REV3L: variants seen among roughly 807,000 people sequenced by gnomAD.
REV3L encodes the protein DNA polymerase zeta catalytic subunit.
Under a neutral mutation model 299.4 loss-of-function variants are expected in REV3L, and 69 were observed. The ratio of observed to expected loss-of-function variants is 0.23; its 90% CI spans 0.19 to 0.28. The LOEUF (loss-of-function observed/expected upper bound fraction) is 0.28. Ranked by LOEUF, REV3L falls within the 10% of genes least tolerant of loss-of-function variation. The pLI is 1.00. For missense variants in REV3L, 3,128 were observed against 3,693.8 expected, an observed-to-expected ratio of 0.85 and a Z score of 3.97; for synonymous variants, 1,238 against 1,271.4, an observed-to-expected ratio of 0.97 and a Z score of 0.56.
At chr6:111,318,417 C>T (rs918912981) in intron 26 of REV3L, among the ~76,000 whole-genome samples, 2 of 152,016 alleles carry the variant, frequency 1.3e-5, no homozygotes, top group South Asian at 2.1e-4. Flanking sequence ...CAGGTGTGAC[C>T]GTGCCCGGCC....
chr6:111,336,288 G>A (rs1216284590), intron 21 of REV3L, among the ~76,000 whole-genome samples: 1 of 151,892 alleles, frequency 6.6e-6, no homozygotes, highest in African/African-American at 2.4e-5. Flanking sequence ...ATTATAAGAT[G>A]TAAAAATGAC....
chr6:111,398,189 C>T (rs1422838689), intron 4 of REV3L, among the ~76,000 whole-genome samples: 1 of 151,862 alleles, frequency 6.6e-6, no homozygotes, highest in Non-Finnish European at 1.5e-5. Flanking sequence ...ATCTTTTCAG[C>T]ACTCTACATG....
intron 1 of REV3L, among the ~76,000 whole-genome samples, 165 bp downstream of exon 1, chr6:111,482,585 G>A (rs150919982): frequency 0.027 from 4,168 of 151,858 alleles, 81 homozygotes; most frequent in Admixed American, 0.064. Flanking sequence ...TGCGGCTCTT[G>A]TCACGCACGA....
chr6:111,344,570 G>A (rs1582611221), intron 20 of REV3L, among the ~76,000 whole-genome samples: 1 of 152,128 alleles, frequency 6.6e-6, no homozygotes, highest in African/African-American at 2.4e-5. Flanking sequence ...ATACTAAAAT[G>A]TCAGAAATGT....
intron 4 of REV3L, among the ~76,000 whole-genome samples, chr6:111,401,948 CA>C (rs921146247): frequency 6.6e-6 from 1 of 151,284 alleles, no homozygotes; most frequent in African/African-American, 2.4e-5. Flanking sequence ...CCTATCTCTA[CA>C]AAAAAAATAC....
In REV3L at chr6:111,310,109, T is replaced by A. The variant is rs1028785623; in HGVS notation, c.8796-10A>T. On this transcript the variant is annotated splice_polypyrimidine_tract_variant and intron_variant, in intron 29 of 31. Transcript: ENST00000368802. ...ATAAGTCAGCATTTTCCTATTCGAA[T>A]TCAAAGAAAAAAACCACACCCAAAT... is the stretch of plus-strand genomic sequence containing the variant. The A allele has an allele frequency of 1.3e-6, 2 of 1,504,030 alleles. No individual in the cohort carries two copies. The highest frequency in any genetic ancestry group is 2.3e-5 in the Admixed American group (1 of 43,502). 93.2% of individuals were successfully genotyped at this position (1,504,030 alleles called of 1,614,324 possible).
intron 1 of REV3L, among the ~76,000 whole-genome samples, chr6:111,465,017 A>G (rs1323926192): frequency 6.6e-6 from 1 of 151,820 alleles, no homozygotes; most frequent in Non-Finnish European, 1.5e-5. Context: ...AAAGGAAAAC[A>G]CATAAAACGG....
At chr6:111,316,224 TA>T (rs75805183) in intron 26 of REV3L, among the ~76,000 whole-genome samples, 2,390 of 104,084 alleles carry the variant, frequency 0.023, 26 homozygotes, top group African/African-American at 0.062. Flanking sequence ...GGACTCCATC[TA>T]AAAAAAAAAA....
At chr6:111,480,030 C>A (rs1000187605) in intron 1 of REV3L, among the ~76,000 whole-genome samples, 1 of 152,136 alleles carries the variant, frequency 6.6e-6, no homozygotes, top group Non-Finnish European at 1.5e-5. Context: ...CCAATCAGTT[C>A]AGAATTTGTA....
In REV3L at chr6:111,380,063, A is replaced by G. The variant is rs779151440; in HGVS notation, c.1373T>C (p.Ile458Thr). ...NSDDEENEPQ[I>T]EKEEMELSLV... ...ACTAAGCTCCATTTCCTCTTTTTCA[A>G]TCTGTGGTTCATTTTCTTCATCATC... The change falls in exon 11 of 32, where the codon ATT (isoleucine) becomes ACT (threonine). Residue 458 changes from isoleucine to threonine, a missense_variant. Physicochemically the swap from Ile to Thr is moderately conservative, Grantham distance 89 (BLOSUM62 -1). Around this residue, in one of 9 missense-constraint regions of REV3L, gnomAD observed 2,409 missense variants for 2,611.8 expected, o/e 0.92. Coordinates refer to ENST00000368802, the MANE Select transcript of REV3L (RefSeq NM_001372078.1). 4 of 1,613,828 alleles carry G rather than the reference A, an allele frequency of 2.5e-6. No homozygotes were observed. Among genetic ancestry groups the G allele is most frequent in the Admixed American group, 1.7e-5 (1 of 59,998 alleles).
chr6:111,306,404 G>A (rs957367311), intron 31 of REV3L, among the ~76,000 whole-genome samples: 2 of 152,114 alleles, frequency 1.3e-5, no homozygotes, highest in African/African-American at 4.8e-5. Context: ...TCGTGACAGA[G>A]GGATAGCAGG....
At chr6:111,385,264 G>A (rs1781232364) in intron 9 of REV3L, among the ~76,000 whole-genome samples, 1 of 152,028 alleles carries the variant, frequency 6.6e-6, no homozygotes, top group African/African-American at 2.4e-5. Flanking sequence ...TGGAATGTTT[G>A]TAACACAAAG....
At chr6:111,378,150 C>T (rs1200251918) in intron 11 of REV3L, among the ~76,000 whole-genome samples, 2 of 151,920 alleles carry the variant, frequency 1.3e-5, no homozygotes, top group African/African-American at 2.4e-5. Flanking sequence ...TTGGAAGAAA[C>T]AAGAATAAAA....
chr6:111,414,288 A>G (rs1348185555), intron 2 of REV3L, among the ~76,000 whole-genome samples: 2 of 152,116 alleles, frequency 1.3e-5, no homozygotes, highest in Non-Finnish European at 2.9e-5. Flanking sequence ...GGATTGGGGA[A>G]GGGTAGAACA....
intron 1 of REV3L, among the ~76,000 whole-genome samples, chr6:111,479,836 C>T (rs1793408906): frequency 6.6e-6 from 1 of 152,102 alleles, no homozygotes; most frequent in South Asian, 2.1e-4. Flanking sequence ...TTTAAAAATA[C>T]CTTTTCAAAT....
chr6:111,480,517 T>G (rs1301503436), intron 1 of REV3L, among the ~76,000 whole-genome samples: 2 of 152,124 alleles, frequency 1.3e-5, no homozygotes, highest in African/African-American at 4.8e-5. Context: ...TTAATTAATA[T>G]TAATCTCACT....
In REV3L at chr6:111,478,468, TAATC is replaced by T. The variant is rs1329683950; in HGVS notation, c.139+4278_139+4281del. Among the ~76,000 whole-genome samples, 9 of 152,322 alleles carry T rather than the reference TAATC, an allele frequency of 5.9e-5. No individual in the cohort carries two copies. In the East Asian group the frequency reaches 1.7e-3, roughly 29 times the overall value. On this transcript the variant is annotated intron_variant, in intron 1 of 31. Coordinates refer to ENST00000368802, the MANE Select transcript of REV3L (RefSeq NM_001372078.1). ...TTCCTGAAAATCTCTCCAATAATTG[TAATC>T]AAATAGGTGTTATATGATCTTAAAA...
At chr6:111,474,357 T>C (rs1792643497) in intron 1 of REV3L, among the ~76,000 whole-genome samples, 2 of 152,186 alleles carry the variant, frequency 1.3e-5, no homozygotes, top group African/African-American at 4.8e-5. Flanking sequence ...CCTTGTCCTC[T>C]CATTGTAAGT....
At chr6:111,455,032 T>C (rs887500647) in intron 1 of REV3L, among the ~76,000 whole-genome samples, 2 of 152,138 alleles carry the variant, frequency 1.3e-5, no homozygotes, top group Admixed American at 6.5e-5. Flanking sequence ...GGCAGCATAC[T>C]GAATCTGCCC....
Sources: allele counts gnomAD v4.1 joint callset (sites outside exome capture counted in the v4.1 genomes callset), GRCh38; gene constraint gnomAD v4.1.1; regional missense constraint gnomAD v4.1.1; transcripts MANE v1.5; gene names NCBI Gene and HGNC (gene_info 2026-07-23, HGNC 2026-07-21).